FBXO11: variants seen among roughly 807,000 people sequenced by gnomAD.
FBXO11 encodes F-box only protein 11.
FBXO11 carries 13 observed loss-of-function variants against 117.0 expected under a neutral mutation model. That is an observed-to-expected ratio of 0.11 (90% confidence interval 0.07 to 0.18). FBXO11 has a LOEUF of 0.18. FBXO11 is among the 10% of genes least tolerant of loss of function. The probability of loss-of-function intolerance (pLI) is 1.00; values close to 1 mark genes in which losing one functional copy is unlikely to be tolerated. For missense variants in FBXO11, 767 were observed against 1,164.4 expected (o/e 0.66, Z 4.97); for synonymous variants, 490 against 380.5 (o/e 1.29, Z -3.35).
intron 1 of FBXO11, among the ~76,000 whole-genome samples, chr2:47,893,560 AAG>A (rs1171328975): frequency 4.6e-5 from 7 of 152,186 alleles, no homozygotes; most frequent in Admixed American, 2.0e-4. Flanking sequence ...TAAAACCAAG[AAG>A]CTTACTTGCA....
intron 18 of FBXO11, chr2:47,811,572 G>C (rs1167210859): frequency 6.6e-6 from 1 of 152,116 alleles, no homozygotes; most frequent in East Asian, 1.9e-4. Flanking sequence ...ATCACATTCT[G>C]GTCATAACCA....
chr2:47,839,279 G>C, intron 3 of FBXO11, 140 bp downstream of exon 3: 2 of 806,152 alleles, frequency 2.5e-6, no homozygotes, highest in Non-Finnish European at 1.9e-6. Context: ...GAGAGGTCAG[G>C]GTTCTAAAGT....
chr2:47,857,216 C>G (rs927398591), intron 1 of FBXO11, among the ~76,000 whole-genome samples: 5 of 152,112 alleles, frequency 3.3e-5, no homozygotes, highest in Non-Finnish European at 7.4e-5. Context: ...CAAACTGCCC[C>G]ATAAACAAAC....
chr2:47,897,928 C>CA (rs1208932952), intron 1 of FBXO11, among the ~76,000 whole-genome samples: 2 of 151,600 alleles, frequency 1.3e-5, no homozygotes, highest in Admixed American at 6.6e-5. Flanking sequence ...TCTCTTCACA[C>CA]AAAAAAAAGG....
At chr2:47,830,134 T>A (rs532682191) in intron 11 of FBXO11, among the ~76,000 whole-genome samples, 4 of 151,300 alleles carry the variant, frequency 2.6e-5, no homozygotes, top group Non-Finnish European at 4.4e-5. Context: ...AACAGAAAAA[T>A]AGTAAAACAA....
chr2:47,848,282 A>C (rs1023817438), intron 1 of FBXO11, among the ~76,000 whole-genome samples: 1 of 152,218 alleles, frequency 6.6e-6, no homozygotes, highest in Non-Finnish European at 1.5e-5. Context: ...ACCAAGCAAT[A>C]CTGCCTGAGC....
Position 47,823,299 on chromosome 2 carries a change from T to C in FBXO11, c.1460A>G (p.Tyr487Cys). 1 of 1,614,046 alleles carries C rather than the reference T, an allele frequency of 6.2e-7. No homozygotes were observed. The highest frequency in any genetic ancestry group is 8.5e-7 in the Non-Finnish European group (1 of 1,179,964). Reference sequence around the variant, plus strand: ...ACATCGAACCACTGTAGGGTTAGCATAGGCTTTTACTTCAAAGCCTGCTAT... The same window carrying C: ...ACATCGAACCACTGTAGGGTTAGCACAGGCTTTTACTTCAAAGCCTGCTAT... ...NRIAGFEVKA[Y>C]ANPTVVRCEI... Residue 487 changes from tyrosine to cysteine, a missense_variant, in exon 12 of 23, where the codon TAT (tyrosine) becomes TGT (cysteine). Transcript: ENST00000403359.
In FBXO11 at chr2:47,823,256, C is replaced by A; in HGVS notation, c.1503G>T (p.Gln501His). The change falls in exon 12 of 23, where the codon CAG becomes CAT. Residue 501 changes from glutamine to histidine, a missense_variant. Gln to His is a conservative substitution (Grantham distance 24). Around this residue, in one of 10 missense-constraint regions of FBXO11, gnomAD observed 67 missense variants for 148.8 expected, o/e 0.45. Coordinates refer to ENST00000403359, the MANE Select transcript of FBXO11 (RefSeq NM_001190274.2). Reference protein sequence around the residue: ...TVVRCEIHHGQTGGIYVHEKG... With the variant: ...TVVRCEIHHGHTGGIYVHEKG... ...TTTCATGGACATATATTCCTCCAGTCTGCCCATGGTGAATTTCACATCGAA... is the reference window on the plus strand; with the variant it reads ...TTTCATGGACATATATTCCTCCAGTATGCCCATGGTGAATTTCACATCGAA... 1 of 1,613,936 alleles carries A rather than the reference C, an allele frequency of 6.2e-7. No homozygotes were observed.
At chr2:47,869,492 C>G (rs1675454645) in intron 1 of FBXO11, among the ~76,000 whole-genome samples, 1 of 152,198 alleles carries the variant, frequency 6.6e-6, no homozygotes, top group Non-Finnish European at 1.5e-5. Context: ...CTTAGCAGTA[C>G]CATGCCCTCT....
intron 1 of FBXO11, among the ~76,000 whole-genome samples, chr2:47,903,697 C>A (rs1678498147): frequency 6.6e-6 from 1 of 152,120 alleles, no homozygotes; most frequent in African/African-American, 2.4e-5. Context: ...AACCAATTAC[C>A]ACATCTTGAA....
At chr2:47,848,139 CAAACA>C (rs1487697832) in intron 1 of FBXO11, among the ~76,000 whole-genome samples, 2 of 142,200 alleles carry the variant, frequency 1.4e-5, no homozygotes, top group African/African-American at 2.6e-5. Context: ...AACAAACAAA[CAAACA>C]AAAAAACAAC....
intron 1 of FBXO11, among the ~76,000 whole-genome samples, chr2:47,857,161 C>T (rs552130896): frequency 1.2e-4 from 18 of 152,286 alleles, no homozygotes; most frequent in South Asian, 4.1e-4. Flanking sequence ...AGTCTGCATA[C>T]CTAACAGTGC....
intron 13 of FBXO11, among the ~76,000 whole-genome samples, chr2:47,820,978 T>G (rs1340061859): frequency 1.3e-5 from 2 of 152,252 alleles, no homozygotes; most frequent in African/African-American, 4.8e-5. Context: ...TTAATGTTCC[T>G]AAAACTTTAA....
chr2:47,860,828 C>CA (rs1398328204), intron 1 of FBXO11, among the ~76,000 whole-genome samples: 18 of 141,336 alleles, frequency 1.3e-4, no homozygotes, highest in African/African-American at 4.5e-4. Flanking sequence ...AAAAAAAAAT[C>CA]AGTTGTTTTC....
intron 1 of FBXO11, among the ~76,000 whole-genome samples, chr2:47,891,336 T>C (rs1677246109): frequency 6.6e-6 from 1 of 152,318 alleles, no homozygotes; most frequent in East Asian, 1.9e-4. Flanking sequence ...TTTGATTCTA[T>C]AAATTTGACT....
chr2:47,896,760 G>A (rs1288995118), intron 1 of FBXO11, among the ~76,000 whole-genome samples: 2 of 152,214 alleles, frequency 1.3e-5, no homozygotes, highest in African/African-American at 4.8e-5. Flanking sequence ...TCATTCATAT[G>A]TAAGTGTGAA....
intron 1 of FBXO11, among the ~76,000 whole-genome samples, chr2:47,849,275 ACT>A (rs1673661584): frequency 6.6e-6 from 1 of 152,240 alleles, no homozygotes; most frequent in African/African-American, 2.4e-5. Context: ...AATTAAAAAA[ACT>A]TTTTAAAAGC....
chr2:47,855,429 T>G (rs1674212786), intron 1 of FBXO11, among the ~76,000 whole-genome samples: 1 of 145,462 alleles, frequency 6.9e-6, no homozygotes, highest in Admixed American at 6.9e-5. Flanking sequence ...CAAGACTATT[T>G]AATGTAATTA....
chr2:47,887,822 T>C (rs1260318977), intron 1 of FBXO11, among the ~76,000 whole-genome samples: 2 of 152,130 alleles, frequency 1.3e-5, no homozygotes, highest in Admixed American at 6.6e-5. Flanking sequence ...GATTGTGCTA[T>C]TGCATTCCAG....
Sources: gnomAD v4.1 joint callset for allele counts (sites outside exome capture counted in the v4.1 genomes callset) on GRCh38, gnomAD v4.1.1 for gene constraint, gnomAD v4.1.1 regional missense constraint, MANE v1.5 for transcripts, NCBI Gene and HGNC (gene_info 2026-07-23, HGNC 2026-07-21) for gene names.